The following PROSER2 variants were observed in gnomAD, a reference collection of about 807,000 sequenced individuals.
PROSER2 encodes the protein proline and serine-rich protein 2.
PROSER2 carries 18 observed loss-of-function variants against 14.6 expected under a neutral mutation model. The observed-to-expected ratio is 1.23, with a 90% confidence interval of 0.85 to 1.83. The LOEUF (loss-of-function observed/expected upper bound fraction) is 1.83, where lower values mean the gene tolerates loss of function less well. Among genes scored for constraint, PROSER2 ranks in the 40% most tolerant of loss-of-function variants. The probability of loss-of-function intolerance (pLI) is 0.00; values close to 1 mark genes in which losing one functional copy is unlikely to be tolerated. For synonymous variants in PROSER2, 367 were observed against 286.4 expected (o/e 1.28, Z -2.84); for missense variants, 823 against 629.8 (o/e 1.31, Z -3.28).
chr10:11,840,944 AAAAAAAAAAAAATATATAT>A (rs1833831824), intron 1 of PROSER2, among the ~76,000 whole-genome samples: 8 of 53,132 alleles, frequency 1.5e-4, no homozygotes, highest in South Asian at 1.4e-3. Flanking sequence ...AAAAAAAAAA[AAAAAAAAAAAAATATATAT>A]ATATATATAT....
At chr10:11,841,032 G>A (rs1288282005) in intron 1 of PROSER2, among the ~76,000 whole-genome samples, 1 of 136,114 alleles carries the variant, frequency 7.3e-6, no homozygotes, top group African/African-American at 2.7e-5. Flanking sequence ...AAAAGTTTGT[G>A]TAAGGTTGGA....
At chr10:11,844,004 T>C (rs543185371) in intron 1 of PROSER2, among the ~76,000 whole-genome samples, 2 of 152,074 alleles carry the variant, frequency 1.3e-5, no homozygotes, top group South Asian at 4.1e-4. Flanking sequence ...TGCATTTGAT[T>C]GATTGAGACA....
chr10:11,861,274 A>G (rs989750709), intron 2 of PROSER2, among the ~76,000 whole-genome samples: 4 of 152,006 alleles, frequency 2.6e-5, no homozygotes, highest in Non-Finnish European at 5.9e-5. Context: ...TTTTTCCTGC[A>G]CAGACCCCTT....
intron 1 of PROSER2, among the ~76,000 whole-genome samples, chr10:11,825,535 C>A (rs1313712790): frequency 2.0e-4 from 31 of 152,200 alleles, no homozygotes; most frequent in Admixed American, 2.0e-3. Context: ...ATAGGAAAGC[C>A]TGTGTTCATG....
At chr10:11,858,436 G>A (rs946604039) in intron 2 of PROSER2, among the ~76,000 whole-genome samples, 2 of 152,188 alleles carry the variant, frequency 1.3e-5, no homozygotes, top group African/African-American at 4.8e-5. Flanking sequence ...GAGCTTGAAT[G>A]GGGCTTGGAT....
chr10:11,836,645 C>G lies in PROSER2; in HGVS notation c.-82+13175C>G, dbSNP rs1833764844. Among the ~76,000 whole-genome samples, 1 of 152,170 alleles carries G rather than the reference C, an allele frequency of 6.6e-6. No individual in the cohort carries two copies. Among genetic ancestry groups the G allele is most frequent in the Non-Finnish European group, 1.5e-5 (1 of 68,028 alleles). ...CCCTGCTGTAGTGTGTAAGTATGCT[C>G]ACTGACCTCTGCCCTACTGTATATC... On this transcript the variant is annotated intron_variant, in intron 1 of 3. Coordinates refer to ENST00000277570, the MANE Select transcript of PROSER2 (RefSeq NM_153256.4). The surrounding 1 kb of genome is among the most constrained non-coding windows in gnomAD (Gnocchi z 4.6).
In PROSER2 at chr10:11,865,157, T is replaced by G. The variant is rs1349488070; in HGVS notation, c.139-1374T>G. Among the ~76,000 whole-genome samples the G allele has an allele frequency of 6.6e-6, 1 of 152,212 alleles. No homozygotes were observed. The highest frequency in any genetic ancestry group is 2.4e-5 in the African/African-American group (1 of 41,470). On this transcript the variant is annotated intron_variant, in intron 2 of 3. Transcript: ENST00000277570. The surrounding 1 kb of genome is among the most constrained non-coding windows in gnomAD (Gnocchi z 4.2). Reference sequence around the variant, plus strand: ...TTTCTCTCTCTGGAACTCTCATTATTCACATAGTGGCCCTCCCAGATCCAT... The same window carrying G: ...TTTCTCTCTCTGGAACTCTCATTATGCACATAGTGGCCCTCCCAGATCCAT...
chr10:11,841,465 C>T (rs1272258127), intron 1 of PROSER2, among the ~76,000 whole-genome samples: 1 of 151,288 alleles, frequency 6.6e-6, no homozygotes, highest in Non-Finnish European at 1.5e-5. Context: ...TGTATTTATT[C>T]TTTTGGGTTT....
chr10:11,847,475 T>C (rs977677713), intron 1 of PROSER2, among the ~76,000 whole-genome samples: 2 of 152,228 alleles, frequency 1.3e-5, no homozygotes, highest in Non-Finnish European at 2.9e-5. Flanking sequence ...TGGAGTGCAT[T>C]GGCGCAATCT....
rs2131101942 is a variant in PROSER2 at position 11,870,564 on chromosome 10, T to C, written c.*158T>C. The C allele has an allele frequency of 3.4e-6, 2 of 589,202 alleles. No homozygotes were observed. Among genetic ancestry groups the C allele is most frequent in the South Asian group, 6.4e-5 (2 of 31,024 alleles). 36.5% of individuals were successfully genotyped at this position (589,202 alleles called of 1,614,324 possible). A position where few individuals can be genotyped will look rare whatever the true frequency, so the allele number is the denominator to read the frequency against. ...AGTCTAGAGGTGCCTGGCTGGGGCC[T>C]CCTGGCTGAGCACGCACCGCAAGCT... On this transcript the variant is annotated 3_prime_UTR_variant, in exon 4 of 4. Coordinates refer to ENST00000277570, the MANE Select transcript of PROSER2 (RefSeq NM_153256.4).
intron 2 of PROSER2, among the ~76,000 whole-genome samples, chr10:11,860,965 G>A (rs1834225076): frequency 6.6e-6 from 1 of 152,156 alleles, no homozygotes; most frequent in Admixed American, 6.5e-5. Context: ...AATTAACCGG[G>A]CGTGGTGGCG....
intron 1 of PROSER2, among the ~76,000 whole-genome samples, chr10:11,825,522 ACCATAGGAAAGCCT>A (rs1833599485): frequency 6.6e-6 from 1 of 152,140 alleles, no homozygotes; most frequent in Non-Finnish European, 1.5e-5. Context: ...TCTCCTGGCC[ACCATAGGAAAGCCT>A]GTGTTCATGG....
At chr10:11,868,368 T>C (rs1048556074) in intron 3 of PROSER2, among the ~76,000 whole-genome samples, 1 of 151,602 alleles carries the variant, frequency 6.6e-6, no homozygotes, top group African/African-American at 2.4e-5. Flanking sequence ...CTCCAACTCC[T>C]GGGTTCAGAT....
intron 1 of PROSER2, among the ~76,000 whole-genome samples, chr10:11,835,707 A>G (rs1324646): frequency 0.84 from 127,487 of 152,150 alleles, 53,611 homozygotes; most frequent in East Asian, 1. Context: ...CTATGAAAAA[A>G]CAGGACTCTT....
intron 1 of PROSER2, among the ~76,000 whole-genome samples, chr10:11,832,251 C>A (rs770876549): frequency 1.3e-5 from 2 of 152,210 alleles, no homozygotes; most frequent in South Asian, 2.1e-4. Flanking sequence ...CCACCTGGAT[C>A]TTTCTTTGAT....
At chr10:11,864,504 A>C (rs1010921612) in intron 2 of PROSER2, among the ~76,000 whole-genome samples, 2 of 152,118 alleles carry the variant, frequency 1.3e-5, no homozygotes, top group African/African-American at 4.8e-5. Context: ...TGCTCCCCTC[A>C]ATACTGAAGT....
At chr10:11,857,101 TCA>T (rs1166538727) in intron 2 of PROSER2, among the ~76,000 whole-genome samples, 4 of 152,028 alleles carry the variant, frequency 2.6e-5, no homozygotes, top group Non-Finnish European at 4.4e-5. Flanking sequence ...GGGATAAGAC[TCA>T]GTTTGCCCCC....
chr10:11,848,913 G>C (rs1833968789), intron 1 of PROSER2, among the ~76,000 whole-genome samples: 1 of 152,224 alleles, frequency 6.6e-6, no homozygotes, highest in Non-Finnish European at 1.5e-5. Context: ...AACAAGCCAG[G>C]TGTGGTGGCT....
Position 11,870,182 on chromosome 10 carries a change from G to A in PROSER2, c.1084G>A (p.Ala362Thr), listed in dbSNP as rs200622168. The change falls in exon 4 of 4, where the codon GCT becomes ACT. Residue 362 changes from alanine to threonine, a missense_variant. Physicochemically the swap from Ala to Thr is moderately conservative, Grantham distance 58. Coordinates refer to ENST00000277570, the MANE Select transcript of PROSER2 (RefSeq NM_153256.4). ...LKSAPSSFAP[A>T]GKSLCFRPGP... ...GAGCGCACCCAGCTCCTTCGCGCCC[G>A]CTGGGAAGTCCCTCTGCTTCCGCCC... 9.4e-4 allele frequency: 1,389 copies of A among 1,484,840 alleles called. 1 individual carries two copies. The highest frequency in any genetic ancestry group is 1.2e-3 in the Non-Finnish European group (1,325 of 1,124,584). 92.0% of individuals were successfully genotyped at this position (1,484,840 alleles called of 1,614,324 possible). A position where few individuals can be genotyped will look rare whatever the true frequency, so the allele number is the denominator to read the frequency against.
Sources: gnomAD v4.1 joint callset for allele counts (sites outside exome capture counted in the v4.1 genomes callset) on GRCh38, gnomAD v4.1.1 for gene constraint, Gnocchi (gnomAD v3.1) non-coding constraint, MANE v1.5 for transcripts, NCBI Gene and HGNC (gene_info 2026-07-23, HGNC 2026-07-21) for gene names.